The following ARHGEF37 variants were observed in gnomAD, a reference collection of about 807,000 sequenced individuals.
ARHGEF37 encodes Rho guanine nucleotide exchange factor (GEF) 37.
A neutral mutation model predicts 71.1 loss-of-function variants in ARHGEF37; 55 were observed. The ratio of observed to expected loss-of-function variants is 0.77; its 90% confidence interval spans 0.62 to 0.97. The LOEUF (loss-of-function observed/expected upper bound fraction) is 0.97, where lower values mean the gene tolerates loss of function less well. Among genes scored for constraint, ARHGEF37 ranks in the 50% least tolerant of loss-of-function variants. The pLI is 0.00. For missense variants in ARHGEF37, 765 were observed against 836.8 expected, an observed-to-expected ratio of 0.91 and a Z score of 1.06; for synonymous variants, 327 against 350.6, an observed-to-expected ratio of 0.93 and a Z score of 0.75.
intron 1 of ARHGEF37, among the ~76,000 whole-genome samples, chr5:149,587,618 G>C (rs1763272471): frequency 6.6e-6 from 1 of 152,176 alleles, no homozygotes; most frequent in South Asian, 2.1e-4. Context: ...TTAGGACTAA[G>C]AAGAGGAAAG....
intron 1 of ARHGEF37, among the ~76,000 whole-genome samples, chr5:149,569,921 AT>A (rs1330242171): frequency 9.2e-5 from 14 of 152,154 alleles, no homozygotes; most frequent in Admixed American, 2.0e-4. Flanking sequence ...GCACCTGACC[AT>A]ATGTTTAACT....
chr5:149,563,352 G>A (rs190619724), intron 1 of ARHGEF37, among the ~76,000 whole-genome samples: 54 of 152,298 alleles, frequency 3.5e-4, no homozygotes, highest in Admixed American at 3.5e-3. Flanking sequence ...TTCCTTGTGT[G>A]TGTTCTGTAG....
At chr5:149,620,240 T>G in intron 7 of ARHGEF37, 114 bp from the exon 8 acceptor site, 2 of 663,446 alleles carry the variant, frequency 3.0e-6, no homozygotes, top group Non-Finnish European at 5.3e-6. Flanking sequence ...GTCCCTCTCA[T>G]TGGGGGTGTG....
At chr5:149,593,887 A>G (rs1208852227) in intron 1 of ARHGEF37, among the ~76,000 whole-genome samples, 5 of 152,102 alleles carry the variant, frequency 3.3e-5, no homozygotes, top group African/African-American at 1.2e-4. Context: ...GTATAAGTGG[A>G]CCCATGCAGT....
At chr5:149,558,514 C>T (rs1762782798) in intron 1 of ARHGEF37, among the ~76,000 whole-genome samples, 1 of 151,664 alleles carries the variant, frequency 6.6e-6, no homozygotes, top group African/African-American at 2.4e-5. Flanking sequence ...CCCCTCTCAC[C>T]AAAAAAATAA....
Position 149,565,829 on chromosome 5 carries a change from ATTTT to A in ARHGEF37, c.-12+13738_-12+13741del, listed in dbSNP as rs201683478. 2.5e-3 allele frequency among the ~76,000 whole-genome samples: 207 copies of A among 84,286 alleles called. No homozygotes were observed. In the East Asian group the frequency reaches 0.065, roughly 26 times the overall value. The allele number at this position is 84,286 out of a possible 152,430, so 55.3% of individuals were successfully genotyped here. A position where few individuals can be genotyped will look rare whatever the true frequency, so the allele number is the denominator to read the frequency against. On this transcript the variant is annotated intron_variant, in intron 1 of 2. Transcript: ENST00000505810. Reference sequence around the variant, plus strand: ...TAGCTTTGTAATGTCAGAAACTCTAATTTTTTTTTTTTTTTTTTTTTTTTTTTTT... The same window carrying A: ...TAGCTTTGTAATGTCAGAAACTCTAATTTTTTTTTTTTTTTTTTTTTTTTT...
In ARHGEF37 at chr5:149,553,305, CA is replaced by C. The variant is rs1213296874; in HGVS notation, c.-12+1183del. 3.9e-5 allele frequency among the ~76,000 whole-genome samples: 6 copies of C among 151,990 alleles called. No homozygotes were observed. The East Asian group carries it at 1.2e-3, about 30-fold the overall frequency. On this transcript the variant is annotated intron_variant, in intron 1 of 2. Coordinates refer to the ARHGEF37 transcript ENST00000505810. ...GCTCCAGCTACTAGGGAGGCTGAGG[CA>C]GGAGAATCGCTTGAACCTGGGAGGC...
chr5:149,623,986 T>C (rs748117907), intron 9 of ARHGEF37, 26 bp from the exon 10 acceptor site: 2 of 1,578,180 alleles, frequency 1.3e-6, no homozygotes, highest in South Asian at 2.3e-5. Context: ...TGCCCAGCTC[T>C]GTTGACAGTG....
chr5:149,603,438 T>G (rs995559899), intron 3 of ARHGEF37, among the ~76,000 whole-genome samples: 3 of 152,134 alleles, frequency 2.0e-5, no homozygotes, highest in African/African-American at 7.2e-5. Context: ...GAGCCAGGAT[T>G]TGAATGCAGG....
intron 2 of ARHGEF37, among the ~76,000 whole-genome samples, chr5:149,598,296 T>TTCTTCTTCC (rs1763616120): frequency 1.3e-5 from 2 of 149,316 alleles, no homozygotes; most frequent in Non-Finnish European, 3.0e-5. Context: ...CTTCTTCTTC[T>TTCTTCTTCC]TCTTCTTCTT....
At chr5:149,597,626 A>G in intron 1 of ARHGEF37, 133 bp from the exon 2 acceptor site, 1 of 741,218 alleles carries the variant, frequency 1.3e-6, no homozygotes, top group Non-Finnish European at 2.1e-6. Context: ...ATGCTAATAA[A>G]CAGTTCATCT....
At chr5:149,627,499 T>G (rs72828313) in intron 11 of ARHGEF37, among the ~76,000 whole-genome samples, 9,393 of 152,246 alleles carry the variant, frequency 0.062, 390 homozygotes, top group Middle Eastern at 0.11. Context: ...GGGTCTACCA[T>G]GAAGCACCTA....
Position 149,634,662 on chromosome 5 carries a change from C to T in ARHGEF37, c.*2471C>T, listed in dbSNP as rs1752980257. On this transcript the variant is annotated 3_prime_UTR_variant, in exon 13 of 13. Transcript: ENST00000333677. ...ATGTGCCTTTTCCCTCTCCAAATGCCTAGAACCATGGCACTGTGTCTTATT... is the reference window on the plus strand; with the variant it reads ...ATGTGCCTTTTCCCTCTCCAAATGCTTAGAACCATGGCACTGTGTCTTATT... 6.6e-6 allele frequency: 1 copy of T among 152,594 alleles called. No individual in the cohort carries two copies. The highest frequency in any genetic ancestry group is 1.5e-5 in the Non-Finnish European group (1 of 68,032). The allele number at this position is 152,594 out of a possible 1,614,324, so 9.5% of individuals were successfully genotyped here. A position where few individuals can be genotyped will look rare whatever the true frequency, so the allele number is the denominator to read the frequency against.
chr5:149,597,808 A>AG lies in ARHGEF37; in HGVS notation c.42dup (p.Ser15GlufsTer7), dbSNP rs749200447. 4 of 1,586,626 alleles carry AG rather than the reference A, an allele frequency of 2.5e-6. No homozygotes were observed. In the South Asian group the frequency reaches 3.4e-5, roughly 14 times the overall value. On this transcript the variant is annotated frameshift_variant, in exon 2 of 13. Transcript: ENST00000333677. LOFTEE classifies it high-confidence loss of function. ...GAGCCGACGAGCCATCCTCCAGGTC[A>AG]GGGAGTCCGGACAGGGAAGGTAGGG...
intron 1 of ARHGEF37, among the ~76,000 whole-genome samples, chr5:149,584,365 A>G (rs1257798302): frequency 1.3e-5 from 1 of 74,286 alleles, no homozygotes; most frequent in Non-Finnish European, 2.4e-5. Context: ...CCTCCAGGAA[A>G]GAGAGAGAGA....
At chr5:149,594,983 T>G (rs946443690) in intron 1 of ARHGEF37, among the ~76,000 whole-genome samples, 4 of 152,332 alleles carry the variant, frequency 2.6e-5, no homozygotes, top group Admixed American at 2.6e-4. Context: ...GATTACATAC[T>G]GTGTGATTCC....
intron 5 of ARHGEF37, 91 bp from the exon 6 acceptor site, chr5:149,618,085 C>T: frequency 6.4e-7 from 1 of 1,556,276 alleles, no homozygotes; most frequent in Non-Finnish European, 8.8e-7. Context: ...GAGCAGAGGG[C>T]CCAAGCAGGT....
At chr5:149,617,687 C>T (rs549295621) in intron 5 of ARHGEF37, among the ~76,000 whole-genome samples, 97 of 152,320 alleles carry the variant, frequency 6.4e-4, no homozygotes, top group African/African-American at 2.3e-3. Context: ...GTCTTCACCA[C>T]CATGCTATAC....
intron 7 of ARHGEF37, among the ~76,000 whole-genome samples, chr5:149,619,487 G>A (rs929472953): frequency 3.9e-5 from 6 of 152,154 alleles, no homozygotes; most frequent in African/African-American, 1.4e-4. Context: ...GGAATTTGAA[G>A]GGCTGAATGA....
Sources: gnomAD v4.1 joint callset for allele counts (sites outside exome capture counted in the v4.1 genomes callset) on GRCh38, gnomAD v4.1.1 for gene constraint, MANE v1.5 for transcripts, NCBI Gene and HGNC (gene_info 2026-07-23, HGNC 2026-07-21) for gene names.